The following RNF145 variants were observed in gnomAD, a reference collection of about 807,000 sequenced individuals.
RNF145 encodes the protein ring finger protein 145.
Under a neutral mutation model 57.3 loss-of-function variants are expected in RNF145, and 12 were observed. The observed-to-expected ratio is 0.21, with a 90% CI of 0.13 to 0.34. The LOEUF (loss-of-function observed/expected upper bound fraction) is 0.34. Ranked by LOEUF, RNF145 falls within the 10% of genes least tolerant of loss-of-function variation. The probability of loss-of-function intolerance (pLI) is 1.00; values close to 1 mark genes in which losing one functional copy is unlikely to be tolerated. For synonymous variants in RNF145, 262 were observed against 288.3 expected, an observed-to-expected ratio of 0.91 and a Z score of 0.92; for missense variants, 429 against 799.0, an observed-to-expected ratio of 0.54 and a Z score of 5.58.
At chr5:159,160,273 T>G (rs905239984) in intron 10 of RNF145, among the ~76,000 whole-genome samples, 17 of 152,068 alleles carry the variant, frequency 1.1e-4, no homozygotes, top group African/African-American at 4.1e-4. Context: ...CTCAGACCCC[T>G]CAAATGCAAA....
Position 159,165,386 on chromosome 5 carries a change from T to C in RNF145, c.1122-2307A>G, listed in dbSNP as rs557972443. Among the ~76,000 whole-genome samples, 22 of 151,984 alleles carry C rather than the reference T, an allele frequency of 1.4e-4. 3 individuals are homozygous for C. In the South Asian group the frequency reaches 4.6e-3, roughly 32 times the overall value. ...AAATTTTAAAATTTTGTTTTTAACA[T>C]AAAAATAATATCCTGGCCGGGCGCG... On this transcript the variant is annotated intron_variant, in intron 8 of 10. Coordinates refer to ENST00000424310, the MANE Select transcript of RNF145 (RefSeq NM_001199383.2).
intron 1 of RNF145, chr5:159,207,381 A>G: frequency 1.3e-6 from 1 of 778,822 alleles, no homozygotes; most frequent in Non-Finnish European, 2.0e-6. Context: ...AGACAAAGAA[A>G]AAACAAGAAT....
intron 10 of RNF145, among the ~76,000 whole-genome samples, chr5:159,159,904 T>C (rs2113067609): frequency 6.6e-6 from 1 of 152,336 alleles, no homozygotes; most frequent in East Asian, 1.9e-4. Flanking sequence ...CAGAAATTCC[T>C]TGCCAAGAAC....
At chr5:159,195,972 T>A (rs1785446496) in intron 2 of RNF145, among the ~76,000 whole-genome samples, 1 of 152,178 alleles carries the variant, frequency 6.6e-6, no homozygotes, top group Non-Finnish European at 1.5e-5. Context: ...TGTCATCTTT[T>A]CTCTCTTATC....
At chr5:159,190,259 C>A (rs566818707) in intron 3 of RNF145, among the ~76,000 whole-genome samples, 1 of 152,304 alleles carries the variant, frequency 6.6e-6, no homozygotes, top group South Asian at 2.1e-4. Context: ...GTCTCCAACT[C>A]TTGAGCTCAA....
intron 5 of RNF145, among the ~76,000 whole-genome samples, chr5:159,176,337 C>T (rs79981608): frequency 2.0e-5 from 3 of 152,158 alleles, no homozygotes; most frequent in Non-Finnish European, 2.9e-5. Context: ...TTATTAGCTC[C>T]GTTTTACAGA....
At chr5:159,201,180 G>C (rs1384957652) in intron 2 of RNF145, among the ~76,000 whole-genome samples, 1 of 152,072 alleles carries the variant, frequency 6.6e-6, no homozygotes, top group Non-Finnish European at 1.5e-5. Context: ...CAAAACCCAC[G>C]TATACAGAGG....
At chr5:159,175,157 C>T (rs915688835) in intron 5 of RNF145, among the ~76,000 whole-genome samples, 1 of 152,100 alleles carries the variant, frequency 6.6e-6, no homozygotes, top group African/African-American at 2.4e-5. Flanking sequence ...TTCTACAACC[C>T]AGTCTATTAA....
At position 159,199,854 on chromosome 5, in the gene RNF145, A is replaced by G. The variant is rs932750114; in HGVS notation, c.184+3580T>C. 1.3e-5 allele frequency among the ~76,000 whole-genome samples: 2 copies of G among 152,258 alleles called. 1 individual carries two copies. Among genetic ancestry groups the G allele is most frequent in the African/African-American group, 4.8e-5 (2 of 41,536 alleles). ...ACACTCCAAAAAACAGTGGGCAGTCACTTCTCTTTCAGCAGAACCCACCCT... is the reference window on the plus strand; with the variant it reads ...ACACTCCAAAAAACAGTGGGCAGTCGCTTCTCTTTCAGCAGAACCCACCCT... On this transcript the variant is annotated intron_variant, in intron 2 of 10. Transcript: ENST00000424310.
chr5:159,181,870 G>A (rs928052993), intron 4 of RNF145, 90 bp downstream of exon 4: 33 of 730,996 alleles, frequency 4.5e-5, no homozygotes, highest in Non-Finnish European at 7.1e-5. Flanking sequence ...TGAGAATTCC[G>A]TTTTAAAAAA....
intron 8 of RNF145, among the ~76,000 whole-genome samples, chr5:159,164,241 T>C (rs1784323485): frequency 6.6e-6 from 1 of 152,040 alleles, no homozygotes; most frequent in Non-Finnish European, 1.5e-5. Context: ...AAACTAATAA[T>C]AATAATAATA....
At chr5:159,190,435 C>T (rs1008063657) in intron 3 of RNF145, among the ~76,000 whole-genome samples, 1 of 151,760 alleles carries the variant, frequency 6.6e-6, no homozygotes, top group Non-Finnish European at 1.5e-5. Context: ...CCTGTAATCC[C>T]AAAGCTTTGG....
At chr5:159,209,878 G>A (rs900861695), upstream of RNF145, 23 of 1,536,032 alleles carry the variant, frequency 1.5e-5, no homozygotes, top group Middle Eastern at 1.7e-4. Context: ...GGGAGAATTT[G>A]AAGGGCTGAT....
chr5:159,208,034 T>C (rs1562081419), intron 1 of RNF145: 1 of 1,527,518 alleles, frequency 6.5e-7, no homozygotes, highest in African/African-American at 1.4e-5. Flanking sequence ...TTCAGACTAG[T>C]TTCCTCTTTA....
Position 159,188,017 on chromosome 5 carries a change from G to T in RNF145, c.294-5966C>A, listed in dbSNP as rs982558128. On this transcript the variant is annotated intron_variant, in intron 3 of 10. Coordinates refer to ENST00000424310, the MANE Select transcript of RNF145 (RefSeq NM_001199383.2). The stretch of plus-strand genomic sequence containing the variant: ...CTTCTTTTGAAAGCCAGTTCTACTG[G>T]GCTCTTAATTCAAGTCACAGACACA... Among the ~76,000 whole-genome samples the T allele has an allele frequency of 3.9e-5, 6 of 152,208 alleles. No homozygotes were observed. The East Asian group carries it at 9.6e-4, about 24-fold the overall frequency.
intron 1 of RNF145, among the ~76,000 whole-genome samples, chr5:159,207,323 T>C (rs1785926249): frequency 6.6e-6 from 1 of 152,188 alleles, no homozygotes; most frequent in African/African-American, 2.4e-5. Context: ...TTTTTATTTC[T>C]CTTATTTGAG....
At chr5:159,173,624 T>C (rs926870830) in intron 6 of RNF145, among the ~76,000 whole-genome samples, 2 of 152,214 alleles carry the variant, frequency 1.3e-5, no homozygotes, top group African/African-American at 4.8e-5. Context: ...AGGCAAAGTG[T>C]TTAATGGTAT....
rs1311522016 is a variant in RNF145, at chr5:159,169,348, G to A, written c.939-293C>T. 2.6e-5 allele frequency among the ~76,000 whole-genome samples: 4 copies of A among 152,278 alleles called. No homozygotes were observed. The East Asian group carries it at 7.7e-4, about 29-fold the overall frequency. On this transcript the variant is annotated intron_variant, in intron 7 of 10. Coordinates refer to ENST00000424310, the MANE Select transcript of RNF145 (RefSeq NM_001199383.2). The stretch of plus-strand genomic sequence containing the variant: ...CCAACCAGATTCTGTAAATGAGCCA[G>A]ATATTAACATCAAATACTGTATAGA...
upstream of RNF145, chr5:159,210,012 G>A (rs1786057111): frequency 4.3e-6 from 4 of 938,308 alleles, no homozygotes; most frequent in Non-Finnish European, 4.9e-6. Flanking sequence ...ACCAAGTGCA[G>A]GCACTCAAAC....
Sources: allele counts gnomAD v4.1 joint callset (sites outside exome capture counted in the v4.1 genomes callset), GRCh38; gene constraint gnomAD v4.1.1; transcripts MANE v1.5; gene names NCBI Gene and HGNC (gene_info 2026-07-23, HGNC 2026-07-21).